GRID1: variants seen among roughly 807,000 people sequenced by gnomAD.
GRID1 encodes the protein glutamate ionotropic receptor delta type subunit 1.
In GRID1, 28 loss-of-function variants were observed where a neutral mutation model predicts 98.0. The observed-to-expected ratio is 0.29, with a 90% confidence interval of 0.21 to 0.39. The LOEUF (loss-of-function observed/expected upper bound fraction) is 0.39. Among genes scored for constraint, GRID1 ranks in the 10% least tolerant of loss-of-function variants. GRID1 has a pLI of 1.00. For missense variants in GRID1, 1,111 were observed against 1,340.5 expected (o/e 0.83, Z 2.67); for synonymous variants, 553 against 538.5 (o/e 1.03, Z -0.37).
intron 4 of GRID1, among the ~76,000 whole-genome samples, chr10:86,035,966 C>T (rs1461661437): frequency 2.6e-5 from 4 of 152,146 alleles, no homozygotes; most frequent in African/African-American, 9.7e-5. Context: ...CCCCTGCAGC[C>T]CACCTCAAGT....
At chr10:85,625,742 T>A (rs1202081282) in intron 13 of GRID1, among the ~76,000 whole-genome samples, 1 of 152,220 alleles carries the variant, frequency 6.6e-6, no homozygotes, top group East Asian at 1.9e-4. Context: ...CCCTAACATT[T>A]AGCAGAATAT....
At chr10:86,242,464 C>T (rs1263896647) in intron 2 of GRID1, among the ~76,000 whole-genome samples, 4 of 152,194 alleles carry the variant, frequency 2.6e-5, no homozygotes, top group Non-Finnish European at 4.4e-5. Context: ...GGGCTCTTGA[C>T]GTATCCTGAG....
intron 5 of GRID1, among the ~76,000 whole-genome samples, chr10:85,897,576 G>C (rs1348360917): frequency 6.6e-6 from 1 of 152,152 alleles, no homozygotes; most frequent in Non-Finnish European, 1.5e-5. Context: ...TAATGTTATT[G>C]AGTGCCTACA....
At chr10:86,177,639 G>A (rs1177000826) in intron 3 of GRID1, among the ~76,000 whole-genome samples, 1 of 151,298 alleles carries the variant, frequency 6.6e-6, no homozygotes, top group Non-Finnish European at 1.5e-5. Flanking sequence ...ACTTTAGCAT[G>A]TGTATGCATG....
chr10:85,729,669 T>C (rs1360503143), intron 8 of GRID1, 55 bp from the exon 9 acceptor site: 15 of 1,094,720 alleles, frequency 1.4e-5, no homozygotes, highest in South Asian at 1.3e-5. Flanking sequence ...GTGCACACCA[T>C]AGGACCTCGG....
At chr10:86,323,407 T>A (rs1191570002) in intron 2 of GRID1, among the ~76,000 whole-genome samples, 2 of 152,230 alleles carry the variant, frequency 1.3e-5, no homozygotes, top group African/African-American at 4.8e-5. Context: ...CCTGAGGACA[T>A]GGATGCATAC....
At chr10:86,152,146 C>T (rs1845178898) in intron 3 of GRID1, among the ~76,000 whole-genome samples, 1 of 152,226 alleles carries the variant, frequency 6.6e-6, no homozygotes, top group Admixed American at 6.5e-5. Context: ...GGAGTTGGAA[C>T]TTGCAGGATG....
intron 4 of GRID1, among the ~76,000 whole-genome samples, chr10:86,085,238 G>A (rs750493605): frequency 6.6e-6 from 1 of 152,160 alleles, no homozygotes; most frequent in Non-Finnish European, 1.5e-5. Flanking sequence ...CTGGAACCTT[G>A]GGTCCTCGGC....
intron 2 of GRID1, among the ~76,000 whole-genome samples, chr10:86,243,386 G>C (rs1846668810): frequency 6.6e-6 from 1 of 152,122 alleles, no homozygotes; most frequent in South Asian, 2.1e-4. Context: ...GCCAAGCACT[G>C]TCAGGCTGTG....
intron 3 of GRID1, among the ~76,000 whole-genome samples, chr10:86,177,856 A>G (rs372281328): frequency 0.012 from 1,811 of 151,346 alleles, 29 homozygotes; most frequent in African/African-American, 0.041. Context: ...ACTTCAGTGT[A>G]TGTGTGTGTG....
chr10:86,339,215 G>A (rs1848274214), intron 2 of GRID1, among the ~76,000 whole-genome samples: 1 of 152,220 alleles, frequency 6.6e-6, no homozygotes, highest in Non-Finnish European at 1.5e-5. Context: ...CATCTCCTAG[G>A]AGCCTCCCAG....
At chr10:85,698,662 A>G (rs571708441) in intron 12 of GRID1, among the ~76,000 whole-genome samples, 1 of 152,220 alleles carries the variant, frequency 6.6e-6, no homozygotes, top group Non-Finnish European at 1.5e-5. Flanking sequence ...ATATATTCTT[A>G]ATTCTTTGGG....
chr10:86,227,205 T>C (rs907606976), intron 2 of GRID1, among the ~76,000 whole-genome samples: 1 of 151,668 alleles, frequency 6.6e-6, no homozygotes, highest in African/African-American at 2.4e-5. Flanking sequence ...CCTGGAAAGG[T>C]GGAGTTGAGA....
intron 8 of GRID1, among the ~76,000 whole-genome samples, chr10:85,793,317 G>T (rs1842497817): frequency 6.6e-6 from 1 of 152,178 alleles, no homozygotes; most frequent in African/African-American, 2.4e-5. Context: ...CCATCCAGCA[G>T]CACAGGTGTG....
chr10:85,976,962 G>T (rs538523039), intron 4 of GRID1, among the ~76,000 whole-genome samples: 17 of 152,332 alleles, frequency 1.1e-4, no homozygotes, highest in Non-Finnish European at 2.2e-4. Flanking sequence ...CAAATGGAAG[G>T]CAGTTAGGAA....
intron 2 of GRID1, among the ~76,000 whole-genome samples, chr10:86,302,544 G>A (rs1232835496): frequency 2.6e-5 from 4 of 152,124 alleles, no homozygotes; most frequent in Non-Finnish European, 5.9e-5. Flanking sequence ...TGTGCTTCTT[G>A]ATATGATGAT....
chr10:85,977,189 A>G (rs545387151), intron 4 of GRID1, among the ~76,000 whole-genome samples: 1 of 152,342 alleles, frequency 6.6e-6, no homozygotes, highest in African/African-American at 2.4e-5. Flanking sequence ...TCTGAAGAAG[A>G]CTAGAGTTCC....
intron 4 of GRID1, among the ~76,000 whole-genome samples, chr10:86,009,013 A>G (rs1372599994): frequency 1.3e-5 from 2 of 152,218 alleles, no homozygotes; most frequent in Non-Finnish European, 2.9e-5. Context: ...CATTCACAAC[A>G]GCGTCCTATT....
chr10:85,778,895 C>T (rs1008995545), intron 8 of GRID1, among the ~76,000 whole-genome samples: 1 of 151,922 alleles, frequency 6.6e-6, no homozygotes, highest in African/African-American at 2.4e-5. Flanking sequence ...TCATGGAAGA[C>T]CAGACAGATA....
Sources: allele counts gnomAD v4.1 joint callset (sites outside exome capture counted in the v4.1 genomes callset), GRCh38; gene constraint gnomAD v4.1.1; transcripts MANE v1.5; gene names NCBI Gene and HGNC (gene_info 2026-07-23, HGNC 2026-07-21).